Variants in IGFL1 observed in about 807,000 individuals in gnomAD.
IGFL1 encodes the protein IGF like family member 1.
Under a neutral mutation model 16.0 loss-of-function variants are expected in IGFL1, and 16 were observed. The observed-to-expected ratio is 1.00, with a 90% confidence interval of 0.68 to 1.52. IGFL1 has a LOEUF of 1.52. IGFL1 is among the 40% of genes most tolerant of loss of function. The pLI is 0.00. For missense variants in IGFL1, 149 were observed against 141.7 expected, an observed-to-expected ratio of 1.05 and a Z score of -0.26; for synonymous variants, 59 against 54.0, an observed-to-expected ratio of 1.09 and a Z score of -0.41.
Position 46,230,317 on chromosome 19 carries a change from G to T in IGFL1, c.123G>T (p.Lys41Asn). Residue 41 changes from lysine to asparagine, a missense_variant, in exon 3 of 4, where the codon AAG becomes AAT. Transcript: ENST00000437936. ...TPYLMLCQPH[K>N]RCGDKFYDPL... ...ACCTGATGCTGTGCCAGCCACACAAGAGATGTGGGGACAAGTTCTACGACC... is the reference window on the plus strand; with the variant it reads ...ACCTGATGCTGTGCCAGCCACACAATAGATGTGGGGACAAGTTCTACGACC... The T allele has an allele frequency of 6.2e-7, 1 of 1,613,968 alleles. No homozygotes were observed. Among genetic ancestry groups the T allele is most frequent in the Non-Finnish European group, 8.5e-7 (1 of 1,179,868 alleles).
rs1601125937 is a variant in IGFL1, at chr19:46,230,660, T to A, written c.323+143T>A. On this transcript the variant is annotated intron_variant, in intron 3 of 3. Transcript: ENST00000437936. ...CCACCTCTCCCTTTCCCTACACCTG[T>A]GTCTCCATCCATTTTTATTTCCCTC... 8 of 1,394,110 alleles carry A rather than the reference T, an allele frequency of 5.7e-6. No homozygotes were observed. In the East Asian group the frequency reaches 1.8e-4, roughly 32 times the overall value. 86.4% of individuals were successfully genotyped at this position (1,394,110 alleles called of 1,614,324 possible). A position where few individuals can be genotyped will look rare whatever the true frequency, so the allele number is the denominator to read the frequency against.
intron 3 of IGFL1, 150 bp from the exon 4 acceptor site, chr19:46,230,671 A>G: frequency 2.2e-6 from 3 of 1,379,574 alleles, no homozygotes; most frequent in Middle Eastern, 1.8e-4. Flanking sequence ...GTCTCCATCC[A>G]TTTTTATTTC....
In IGFL1 at chr19:46,230,096, C is replaced by T. The variant is rs1332808166; in HGVS notation, c.26-12C>T. 6.2e-7 allele frequency: 1 copy of T among 1,612,878 alleles called. No homozygotes were observed. The highest frequency in any genetic ancestry group is 1.3e-5 in the African/African-American group (1 of 74,902). On this transcript the variant is annotated splice_polypyrimidine_tract_variant and intron_variant, in intron 1 of 3. Coordinates refer to ENST00000437936, the MANE Select transcript of IGFL1 (RefSeq NM_198541.2). ...GTCCACTCACCCCATCTTCCCTTTCCCTTTCCCACAGCTGTCTTTGCCATT... is the reference window on the plus strand; with the variant it reads ...GTCCACTCACCCCATCTTCCCTTTCTCTTTCCCACAGCTGTCTTTGCCATT...
At chr19:46,229,868 C>T (rs142410735) in intron 1 of IGFL1, 69 bp downstream of exon 1, 2 of 1,524,408 alleles carry the variant, frequency 1.3e-6, no homozygotes, top group African/African-American at 2.8e-5. Flanking sequence ...GGGCTCTCTC[C>T]CTACCCCAAA....
intron 1 of IGFL1, 25 bp from the exon 2 acceptor site, chr19:46,230,083 C>T (rs1458156214): frequency 6.2e-7 from 1 of 1,611,550 alleles, no homozygotes; most frequent in East Asian, 2.2e-5. Flanking sequence ...CCACTCACCC[C>T]ATCTTCCCTT....
intron 1 of IGFL1, 22 bp from the exon 2 acceptor site, chr19:46,230,086 C>T: frequency 6.2e-7 from 1 of 1,606,084 alleles, no homozygotes; most frequent in Non-Finnish European, 8.5e-7. Flanking sequence ...CTCACCCCAT[C>T]TTCCCTTTCC....
chr19:46,229,780 TC>T lies in IGFL1; in HGVS notation c.10del (p.Arg4GlufsTer5), dbSNP rs748516829. 7 of 1,606,112 alleles carry T rather than the reference TC, an allele frequency of 4.4e-6. No individual in the cohort carries two copies. Among genetic ancestry groups the T allele is most frequent in the Non-Finnish European group, 5.9e-6 (7 of 1,176,922 alleles). On this transcript the variant is annotated frameshift_variant, in exon 1 of 4. Coordinates refer to ENST00000437936, the MANE Select transcript of IGFL1 (RefSeq NM_198541.2). LOFTEE classifies it high-confidence loss of function. ...CACTGCAACCACCCAGAGCCATGGC[TC>T]CCCGAGGCTGCATCGTAGGTAAGGA... The part of the protein sequence containing the change: MA[P>X]RGCIVAVFAI...
chr19:46,230,568 T>C (rs1385884118), intron 3 of IGFL1, 51 bp downstream of exon 3: 17 of 1,601,294 alleles, frequency 1.1e-5, no homozygotes, highest in Admixed American at 1.7e-5. Flanking sequence ...GCTGCATGCC[T>C]GTTCTGCCCT....
At chr19:46,230,699 C>T (rs1568476527) in intron 3 of IGFL1, 122 bp from the exon 4 acceptor site, 2 of 1,374,050 alleles carry the variant, frequency 1.5e-6, no homozygotes, top group East Asian at 4.7e-5. Context: ...GAATCTCACT[C>T]TCTCTACCCC....
Position 46,230,280 on chromosome 19 carries a change from C to T in IGFL1, c.86C>T (p.Pro29Leu). The T allele has an allele frequency of 1.2e-6, 2 of 1,614,006 alleles. No individual in the cohort carries two copies. The highest frequency in any genetic ancestry group is 1.7e-6 in the Non-Finnish European group (2 of 1,179,874). Residue 29 changes from proline (P) to leucine (L), a missense_variant, in exon 3 of 4, where the codon CCC (proline) becomes CTC (leucine). Transcript: ENST00000437936. ...CCAGCTCTGTCTCCTCCAGTGGCCCCCATGACTCCTTACCTGATGCTGTGC... is the reference window on the plus strand; with the variant it reads ...CCAGCTCTGTCTCCTCCAGTGGCCCTCATGACTCCTTACCTGATGCTGTGC... ...LLCSHGAPVA[P>L]MTPYLMLCQP...
At chr19:46,230,623 C>T in intron 3 of IGFL1, 106 bp downstream of exon 3, 1 of 1,519,652 alleles carries the variant, frequency 6.6e-7, no homozygotes, top group Non-Finnish European at 9.0e-7. Flanking sequence ...CTGCCCCCTG[C>T]TTCTATTCAA....
chr19:46,231,209 A>G lies in IGFL1; in HGVS notation c.*379A>G, dbSNP rs1185720314. On this transcript the variant is annotated 3_prime_UTR_variant, in exon 4 of 4. Coordinates refer to ENST00000437936, the MANE Select transcript of IGFL1 (RefSeq NM_198541.2). ...TCTCTTCTATCCAGGAGCAAAGCAC[A>G]GGATCATAATAAATTTATGTACTTT... 1 of 332,986 alleles carries G rather than the reference A, an allele frequency of 3.0e-6. No homozygotes were observed. The highest frequency in any genetic ancestry group is 5.7e-6 in the Non-Finnish European group (1 of 175,280). The allele number at this position is 332,986 out of a possible 1,614,324, so 20.6% of individuals were successfully genotyped here. A position where few individuals can be genotyped will look rare whatever the true frequency, so the allele number is the denominator to read the frequency against.
rs377438135 is a variant in IGFL1, at chr19:46,229,742, C to G, written c.-33C>G. 130 of 1,589,486 alleles carry G rather than the reference C, an allele frequency of 8.2e-5. No individual in the cohort carries two copies. The highest frequency in any genetic ancestry group is 1.1e-4 in the Non-Finnish European group (125 of 1,168,150). On this transcript the variant is annotated 5_prime_UTR_variant, in exon 1 of 4. Transcript: ENST00000437936. ...AAAGGAGTGGCTGAGATCTGCTGAT[C>G]CCCTCCTCACTCCACTGCAACCACC...
In IGFL1 at chr19:46,231,101, T is replaced by C. The variant is rs776461330; in HGVS notation, c.*271T>C. ...GACTCTGAACCCTCCTGATGACCCC[T>C]ATGGCCAACATCAACCCGGCACCAC... On this transcript the variant is annotated 3_prime_UTR_variant, in exon 4 of 4. Transcript: ENST00000437936. 21 of 560,336 alleles carry C rather than the reference T, an allele frequency of 3.7e-5. No individual in the cohort carries two copies. Among genetic ancestry groups the C allele is most frequent in the African/African-American group, 9.4e-5 (5 of 53,160 alleles). The allele number at this position is 560,336 out of a possible 1,614,324, so 34.7% of individuals were successfully genotyped here.
Position 46,231,050 on chromosome 19 carries a change from G to A in IGFL1, c.*220G>A. On this transcript the variant is annotated 3_prime_UTR_variant, in exon 4 of 4. Coordinates refer to ENST00000437936, the MANE Select transcript of IGFL1 (RefSeq NM_198541.2). ...CCTTCTAGAATTCTGGACAGCATGA[G>A]ATGCGTGTGCTGATGGGGGCCCAGG... is the stretch of plus-strand genomic sequence containing the variant. 5 of 626,388 alleles carry A rather than the reference G, an allele frequency of 8.0e-6. No homozygotes were observed. Among genetic ancestry groups the A allele is most frequent in the South Asian group, 7.2e-5 (4 of 55,604 alleles). The allele number at this position is 626,388 out of a possible 1,614,324, so 38.8% of individuals were successfully genotyped here.
In IGFL1 at chr19:46,229,745, C is replaced by T. The variant is rs780746981; in HGVS notation, c.-30C>T. On this transcript the variant is annotated 5_prime_UTR_variant, in exon 1 of 4. Transcript: ENST00000437936. ...GGAGTGGCTGAGATCTGCTGATCCC[C>T]TCCTCACTCCACTGCAACCACCCAG... is the stretch of plus-strand genomic sequence containing the variant. 3 of 1,592,394 alleles carry T rather than the reference C, an allele frequency of 1.9e-6. No homozygotes were observed. In the African/African-American group the frequency reaches 4.0e-5, roughly 21 times the overall value.
chr19:46,230,812 T>C lies in IGFL1; in HGVS notation c.324-9T>C, dbSNP rs1339106505. 13 of 1,612,032 alleles carry C rather than the reference T, an allele frequency of 8.1e-6. No individual in the cohort carries two copies. Among genetic ancestry groups the C allele is most frequent in the African/African-American group, 2.7e-5 (2 of 75,004 alleles). ...CCCGCTCAGTGTCTCTCTCTGTCAC[T>C]ATCTCCAGTGTCAGCTAATGGAACA... On this transcript the variant is annotated splice_polypyrimidine_tract_variant and intron_variant, in intron 3 of 3. Coordinates refer to ENST00000437936, the MANE Select transcript of IGFL1 (RefSeq NM_198541.2).
Position 46,230,929 on chromosome 19 carries a change from T to C in IGFL1, c.*99T>C, listed in dbSNP as rs1601126105. 1 of 1,228,144 alleles carries C rather than the reference T, an allele frequency of 8.1e-7. No individual in the cohort carries two copies. Among genetic ancestry groups the C allele is most frequent in the East Asian group, 2.5e-5 (1 of 40,098 alleles). The allele number at this position is 1,228,144 out of a possible 1,614,324, so 76.1% of individuals were successfully genotyped here. Reference sequence around the variant, plus strand: ...TGAGATCTGGGATGCTGAGTGGCTGTTTGGGGGCCAGAGAAACACACACTC... The same window carrying C: ...TGAGATCTGGGATGCTGAGTGGCTGCTTGGGGGCCAGAGAAACACACACTC... On this transcript the variant is annotated 3_prime_UTR_variant, in exon 4 of 4. Transcript: ENST00000437936.
chr19:46,230,444 T>C lies in IGFL1; in HGVS notation c.250T>C (p.Trp84Arg). 6.2e-7 allele frequency: 1 copy of C among 1,614,032 alleles called. No homozygotes were observed. Among genetic ancestry groups the C allele is most frequent in the Non-Finnish European group, 8.5e-7 (1 of 1,179,884 alleles). The change falls in exon 3 of 4, where the codon TGG becomes CGG. Residue 84 changes from tryptophan to arginine, a missense_variant. Physicochemically the swap from Trp to Arg is moderately radical, Grantham distance 101. Transcript: ENST00000437936. ...AGTCTGCTTTGAGCAGTGCTGCCCC[T>C]GGACCTTCATGGTGAAGCTGATAAA... ...FRVCFEQCCP[W>R]TFMVKLINQN...
Sources: gnomAD v4.1 joint callset for allele counts on GRCh38, gnomAD v4.1.1 for gene constraint, MANE v1.5 for transcripts, NCBI Gene and HGNC (gene_info 2026-07-23, HGNC 2026-07-21) for gene names.